Variants in ACSF2 observed in about 807,000 individuals in gnomAD.
ACSF2 encodes the protein medium-chain acyl-CoA ligase ACSF2, mitochondrial.
Under a neutral mutation model 79.3 loss-of-function variants are expected in ACSF2, and 52 were observed. The observed-to-expected ratio is 0.66, with a 90% CI of 0.53 to 0.83. ACSF2 has a LOEUF of 0.83. Among genes scored for constraint, ACSF2 ranks in the 40% least tolerant of loss-of-function variants. The pLI is 0.00. For missense variants in ACSF2, 661 were observed against 803.3 expected (o/e 0.82, Z 2.14); for synonymous variants, 283 against 312.6 (o/e 0.91, Z 1.00).
chr17:50,426,919 T>C, intron 1 of ACSF2: 2 of 1,535,754 alleles, frequency 1.3e-6, no homozygotes, highest in Non-Finnish European at 1.7e-6. Flanking sequence ...AGGGGTGGGA[T>C]GGAAGCTGGC....
chr17:50,454,807 G>GT (rs1355593411), intron 1 of ACSF2, among the ~76,000 whole-genome samples: 1 of 152,134 alleles, frequency 6.6e-6, no homozygotes, highest in Non-Finnish European at 1.5e-5. Flanking sequence ...CAGAGCCGCT[G>GT]TGAAGACACA....
At chr17:50,432,696 A>G (rs2030033361) in intron 1 of ACSF2, among the ~76,000 whole-genome samples, 1 of 152,088 alleles carries the variant, frequency 6.6e-6, no homozygotes, top group Non-Finnish European at 1.5e-5. Flanking sequence ...TGCTTTATAA[A>G]CCTCAGTGGC....
Position 50,472,000 on chromosome 17 carries a change from A to C in ACSF2, c.1324-428A>C, listed in dbSNP as rs2033143659. 2 of 159,862 alleles carry C rather than the reference A, an allele frequency of 1.3e-5. No homozygotes were observed. The highest frequency in any genetic ancestry group is 3.7e-4 in the South Asian group (2 of 5,464). The allele number at this position is 159,862 out of a possible 1,614,324, so 9.9% of individuals were successfully genotyped here. ...CACGGTGGCCGTGGCTCTTTTCTCT[A>C]CCAGGCTTTCAGACTCTGTCTCTCC... On this transcript the variant is annotated intron_variant, in intron 11 of 15. Coordinates refer to ENST00000300441, the MANE Select transcript of ACSF2 (RefSeq NM_025149.6). The surrounding 1 kb of genome is among the most constrained non-coding windows in gnomAD (Gnocchi z 4.1).
At chr17:50,447,839 A>T (rs780394062) in intron 1 of ACSF2, among the ~76,000 whole-genome samples, 17 of 152,180 alleles carry the variant, frequency 1.1e-4, no homozygotes, top group Non-Finnish European at 1.9e-4. Flanking sequence ...TTATAGAGAG[A>T]TTCTCAGCTA....
chr17:50,457,303 C>T (rs1051484029), intron 1 of ACSF2, among the ~76,000 whole-genome samples: 1 of 152,214 alleles, frequency 6.6e-6, no homozygotes, highest in East Asian at 1.9e-4. Flanking sequence ...TAGGCAGTCC[C>T]TGGTGGAATC....
chr17:50,465,537 T>C, intron 10 of ACSF2: 6 of 1,509,874 alleles, frequency 4.0e-6, no homozygotes, highest in Non-Finnish European at 5.4e-6. Context: ...GGCCACAGGA[T>C]AGTCTGAAGC....
chr17:50,474,392 C>G lies in ACSF2; in HGVS notation c.1798-110C>G. 1 of 1,505,116 alleles carries G rather than the reference C, an allele frequency of 6.6e-7. No homozygotes were observed. The highest frequency in any genetic ancestry group is 9.2e-7 in the Non-Finnish European group (1 of 1,084,018). The allele number at this position is 1,505,116 out of a possible 1,614,324, so 93.2% of individuals were successfully genotyped here. A position where few individuals can be genotyped will look rare whatever the true frequency, so the allele number is the denominator to read the frequency against. ...AGTAGGGTGACCGGGTCACCTAATC[C>G]TGGTTTGCCTGGGGACTTTCCCTGT... On this transcript the variant is annotated intron_variant, in intron 15 of 15. Coordinates refer to ENST00000300441, the MANE Select transcript of ACSF2 (RefSeq NM_025149.6). This position sits in a 1 kb window ranked among gnomAD's most constrained non-coding sequence, Gnocchi z 4.2.
intron 1 of ACSF2, among the ~76,000 whole-genome samples, chr17:50,430,340 T>C (rs534866331): frequency 6.6e-6 from 1 of 152,178 alleles, no homozygotes; most frequent in Non-Finnish European, 1.5e-5. Flanking sequence ...CCTGATTATA[T>C]GATCTGATGA....
chr17:50,467,413 G>A (rs956132486), intron 10 of ACSF2, among the ~76,000 whole-genome samples: 4 of 152,196 alleles, frequency 2.6e-5, no homozygotes, highest in African/African-American at 4.8e-5. Flanking sequence ...TTGGTCCCAC[G>A]CCTACTGAGC....
At chr17:50,429,675 C>T (rs1022986841) in intron 1 of ACSF2, among the ~76,000 whole-genome samples, 8 of 151,942 alleles carry the variant, frequency 5.3e-5, no homozygotes, top group South Asian at 2.1e-4. Flanking sequence ...GTGCGCCACC[C>T]GCCCAGCTAA....
chr17:50,461,753 T>A, intron 4 of ACSF2, 67 bp downstream of exon 4: 11 of 1,564,406 alleles, frequency 7.0e-6, no homozygotes, highest in Non-Finnish European at 8.8e-6. Flanking sequence ...AGACTCTGCT[T>A]GTCAGAGTCT....
In ACSF2 at chr17:50,461,241, G is replaced by A; in HGVS notation, c.325-1G>A. On this transcript the variant is annotated splice_acceptor_variant, in intron 2 of 15. Coordinates refer to ENST00000300441, the MANE Select transcript of ACSF2 (RefSeq NM_025149.6). LOFTEE classifies it high-confidence loss of function. ...CCCTTGCGCCCCATCTTTTACACTA[G>A]GTGGACAAAGCTGCTTCTGGCCTCC... 1.9e-6 allele frequency: 3 copies of A among 1,614,164 alleles called. No individual in the cohort carries two copies. The highest frequency in any genetic ancestry group is 1.1e-5 in the South Asian group (1 of 91,082).
At position 50,466,121 on chromosome 17, in the gene ACSF2, G is replaced by C. The variant is rs368301769; in HGVS notation, c.1215+1827G>C. 4.5e-3 allele frequency among the ~76,000 whole-genome samples: 523 copies of C among 116,328 alleles called. 2 individuals are homozygous for C. The highest frequency in any genetic ancestry group is 0.018 in the African/African-American group (512 of 28,990). The allele number at this position is 116,328 out of a possible 152,430, so 76.3% of individuals were successfully genotyped here. ...TTTTTTTTTGAGATGGAGTCTCACT[G>C]TGTTGCCCAGGCTGGAGCACAGTGG... On this transcript the variant is annotated intron_variant, in intron 10 of 15. Transcript: ENST00000300441.
intron 1 of ACSF2, chr17:50,427,018 G>A: frequency 6.5e-7 from 1 of 1,532,418 alleles, no homozygotes; most frequent in Non-Finnish European, 8.7e-7. Context: ...CAGTCCTTGG[G>A]AGGACCCCGT....
chr17:50,465,873 G>GGGGAGCAAGGT (rs769762943), intron 10 of ACSF2: 436 of 1,613,670 alleles, frequency 2.7e-4, no homozygotes, highest in South Asian at 1.1e-3. Context: ...TCTGAGAACT[G>GGGGAGCAAGGT]GGGAGCAAGG....
At chr17:50,439,154 T>TCAAC (rs1193834011) in intron 1 of ACSF2, among the ~76,000 whole-genome samples, 1 of 150,264 alleles carries the variant, frequency 6.7e-6, no homozygotes, top group African/African-American at 2.5e-5. Context: ...CACTGCAGCC[T>TCAAC]CAACCTCCTG....
chr17:50,465,673 G>T lies in ACSF2; in HGVS notation c.1215+1379G>T, dbSNP rs201316885. On this transcript the variant is annotated intron_variant, in intron 10 of 15. Transcript: ENST00000300441. ...GCTAATGTGCCTCTATCACATGAGG[G>T]TGGGCTCTGGGAGTGACATGGAAGT... is the stretch of plus-strand genomic sequence containing the variant. 3.7e-6 allele frequency: 6 copies of T among 1,611,292 alleles called. No individual in the cohort carries two copies. The Admixed American group carries it at 1.0e-4, about 27-fold the overall frequency.
rs35178435 is a variant in ACSF2 at position 50,461,927 on chromosome 17, G to GGTGTGTGTGTGTGT, written c.508-245_508-232dup. Among the ~76,000 whole-genome samples the GGTGTGTGTGTGTGT allele has an allele frequency of 3.1e-3, 462 of 148,222 alleles. 5 individuals are homozygous for GGTGTGTGTGTGTGT. The highest frequency in any genetic ancestry group is 0.011 in the African/African-American group (438 of 39,980). On this transcript the variant is annotated intron_variant, in intron 4 of 15. Transcript: ENST00000300441. ...GGGGGCATGTGTGTGTCAGGGCAGA[G>GGTGTGTGTGTGTGT]GTGTGTGTGTGTGTGTGTGTGTGTG... is the stretch of plus-strand genomic sequence containing the variant.
intron 1 of ACSF2, among the ~76,000 whole-genome samples, chr17:50,438,448 G>T (rs2030609663): frequency 6.6e-6 from 1 of 152,174 alleles, no homozygotes; most frequent in African/African-American, 2.4e-5. Flanking sequence ...ACCAAGTTTT[G>T]CTGTTTCCCC....
Sources: allele counts gnomAD v4.1 joint callset (sites outside exome capture counted in the v4.1 genomes callset), GRCh38; gene constraint gnomAD v4.1.1; non-coding constraint Gnocchi (gnomAD v3.1); transcripts MANE v1.5; gene names NCBI Gene and HGNC (gene_info 2026-07-23, HGNC 2026-07-21).